Variants in ADCK1 observed in about 807,000 individuals in gnomAD.
The protein encoded by ADCK1 is aarF domain-containing protein kinase 1.
A neutral mutation model predicts 52.3 loss-of-function variants in ADCK1; 41 were observed. That is an observed-to-expected ratio of 0.78 (90% confidence interval 0.61 to 1.02). The LOEUF (loss-of-function observed/expected upper bound fraction) is 1.02, where lower values mean the gene tolerates loss of function less well. ADCK1 is among the 50% of genes least tolerant of loss of function. The probability of loss-of-function intolerance (pLI) is 0.00; values close to 1 mark genes in which losing one functional copy is unlikely to be tolerated. For missense variants in ADCK1, 658 were observed against 679.5 expected (o/e 0.97, Z 0.35); for synonymous variants, 250 against 274.6 (o/e 0.91, Z 0.89).
intron 3 of ADCK1, among the ~76,000 whole-genome samples, chr14:77,825,893 C>A (rs2081691506): frequency 6.6e-6 from 1 of 152,152 alleles, no homozygotes; most frequent in Admixed American, 6.5e-5. Flanking sequence ...GTGCTATGGG[C>A]CTTGGCATCC....
At position 77,882,678 on chromosome 14, in the gene ADCK1, G is replaced by A. The variant is rs1023637571; in HGVS notation, c.424-4413G>A. Among the ~76,000 whole-genome samples the A allele has an allele frequency of 5.9e-5, 9 of 152,194 alleles. No individual in the cohort carries two copies. The East Asian group carries it at 1.4e-3, about 23-fold the overall frequency. ...CAAGCAAAACTCCTCAGGAGGCGTC[G>A]TGTGGTTTCTCTAGAAGATCCTGAC... On this transcript the variant is annotated intron_variant, in intron 4 of 10. Coordinates refer to ENST00000238561, the MANE Select transcript of ADCK1 (RefSeq NM_020421.4).
intron 6 of ADCK1, among the ~76,000 whole-genome samples, chr14:77,906,050 C>T (rs1180323687): frequency 1.3e-5 from 2 of 152,092 alleles, no homozygotes; most frequent in African/African-American, 4.8e-5. Context: ...ATGTACAGCC[C>T]CCATTTATCC....
In ADCK1 at chr14:77,805,987, CTTTTTTT is replaced by C. The variant is rs530925697; in HGVS notation, c.-12+5834_-12+5840del. Among the ~76,000 whole-genome samples the C allele has an allele frequency of 1.5e-4, 13 of 87,702 alleles. No individual in the cohort carries two copies. The South Asian group carries it at 2.7e-3, about 18-fold the overall frequency. 57.5% of individuals were successfully genotyped at this position (87,702 alleles called of 152,430 possible). On this transcript the variant is annotated intron_variant, in intron 1 of 10. Transcript: ENST00000238561. ...TCCTCCCATAATCCTATTCTTACGGCTTTTTTTTTTTTTTTTTTTTTTTAAAGTGATG... is the reference window on the plus strand; with the variant it reads ...TCCTCCCATAATCCTATTCTTACGGCTTTTTTTTTTTTTTTTAAAGTGATG...
chr14:77,808,380 C>T (rs1566623480), intron 1 of ADCK1, among the ~76,000 whole-genome samples: 1 of 152,104 alleles, frequency 6.6e-6, no homozygotes, highest in Non-Finnish European at 1.5e-5. Context: ...CTGTAGGTAG[C>T]TGTCCCATAG....
At chr14:77,806,525 C>A (rs2081228693) in intron 1 of ADCK1, among the ~76,000 whole-genome samples, 1 of 152,146 alleles carries the variant, frequency 6.6e-6, no homozygotes, top group African/African-American at 2.4e-5. Context: ...TCTAGCTCTG[C>A]CTTGCCTGGA....
At chr14:77,929,242 A>G (rs2084267238) in intron 9 of ADCK1, among the ~76,000 whole-genome samples, 1 of 152,208 alleles carries the variant, frequency 6.6e-6, no homozygotes, top group Admixed American at 6.5e-5. Flanking sequence ...TGGCTTAAAC[A>G]TAAGGAATTT....
chr14:77,814,877 T>TA (rs1045726387), intron 1 of ADCK1, among the ~76,000 whole-genome samples: 4 of 148,894 alleles, frequency 2.7e-5, no homozygotes, highest in African/African-American at 1.0e-4. Flanking sequence ...TTTATTTTAC[T>TA]AAAAAAATTA....
At chr14:77,873,636 T>C (rs1326513826) in intron 4 of ADCK1, among the ~76,000 whole-genome samples, 1 of 152,210 alleles carries the variant, frequency 6.6e-6, no homozygotes. Context: ...TCATCTTGAA[T>C]TGTAGCTCCC....
chr14:77,921,711 G>T (rs1025654470), intron 7 of ADCK1, among the ~76,000 whole-genome samples: 1 of 152,114 alleles, frequency 6.6e-6, no homozygotes, highest in Non-Finnish European at 1.5e-5. Context: ...GATGGAGCGG[G>T]CCACTCTGGT....
intron 5 of ADCK1, among the ~76,000 whole-genome samples, chr14:77,890,576 A>T (rs1160235734): frequency 2.0e-5 from 3 of 152,310 alleles, no homozygotes; most frequent in African/African-American, 7.2e-5. Context: ...CTAGAAGTGA[A>T]TTAGAATGGG....
chr14:77,905,304 GTTT>G (rs58057378), intron 6 of ADCK1, among the ~76,000 whole-genome samples: 21 of 96,266 alleles, frequency 2.2e-4, no homozygotes, highest in South Asian at 7.1e-4. Flanking sequence ...TTCCTAGCTG[GTTT>G]TTTTTTTTTT....
intron 4 of ADCK1, among the ~76,000 whole-genome samples, chr14:77,866,837 G>T (rs2082670986): frequency 6.6e-6 from 1 of 152,144 alleles, no homozygotes; most frequent in Non-Finnish European, 1.5e-5. Context: ...CCCTGGGCTG[G>T]ACTAGGAGTA....
chr14:77,925,692 G>C, intron 8 of ADCK1, 72 bp from the exon 9 acceptor site: 1 of 1,489,996 alleles, frequency 6.7e-7, no homozygotes, highest in African/African-American at 1.4e-5. Context: ...GCAATGGTTG[G>C]CATCAGCCAG....
chr14:77,858,974 G>A, intron 3 of ADCK1, 102 bp from the exon 4 acceptor site: 2 of 1,091,236 alleles, frequency 1.8e-6, no homozygotes, highest in Non-Finnish European at 1.3e-6. Context: ...TGGGCATTGT[G>A]GGGTAATGAG....
At chr14:77,837,721 T>C (rs894461638) in intron 3 of ADCK1, among the ~76,000 whole-genome samples, 26 of 152,356 alleles carry the variant, frequency 1.7e-4, no homozygotes, top group Non-Finnish European at 3.7e-4. Context: ...ATCAGAGCCA[T>C]CTGTCAAGCC....
chr14:77,835,880 C>T (rs1474329405), intron 3 of ADCK1, among the ~76,000 whole-genome samples: 1 of 152,222 alleles, frequency 6.6e-6, no homozygotes, highest in Admixed American at 6.5e-5. Context: ...AAACATTCCC[C>T]CTGCTTCGGC....
chr14:77,812,505 G>GTA (rs1248912961), intron 1 of ADCK1, among the ~76,000 whole-genome samples: 79 of 148,222 alleles, frequency 5.3e-4, no homozygotes, highest in African/African-American at 1.7e-3. Context: ...GTGTGTGTGT[G>GTA]TATATATATA....
At chr14:77,835,578 G>A (rs2081943756) in intron 3 of ADCK1, among the ~76,000 whole-genome samples, 2 of 152,172 alleles carry the variant, frequency 1.3e-5, no homozygotes, top group African/African-American at 2.4e-5. Flanking sequence ...CACCTGGGGA[G>A]CCTTATAAAG....
chr14:77,884,670 C>T (rs536348746), intron 4 of ADCK1, among the ~76,000 whole-genome samples: 16 of 152,358 alleles, frequency 1.1e-4, no homozygotes, highest in African/African-American at 3.6e-4. Context: ...TCTGTCTCTG[C>T]AGCAGAGGCT....
Sources: gnomAD v4.1 joint callset for allele counts (sites outside exome capture counted in the v4.1 genomes callset) on GRCh38, gnomAD v4.1.1 for gene constraint, MANE v1.5 for transcripts, NCBI Gene and HGNC (gene_info 2026-07-23, HGNC 2026-07-21) for gene names.